The following PDE4D variants were observed in gnomAD, a reference collection of about 807,000 sequenced individuals.
The protein encoded by PDE4D is 3',5'-cyclic-AMP phosphodiesterase 4D.
A neutral mutation model predicts 87.4 loss-of-function variants in PDE4D; 24 were observed. The ratio of observed to expected loss-of-function variants is 0.27; its 90% CI spans 0.20 to 0.39. The LOEUF (loss-of-function observed/expected upper bound fraction) is 0.39, where lower values mean the gene tolerates loss of function less well. Among genes scored for constraint, PDE4D ranks in the 10% least tolerant of loss-of-function variants. PDE4D has a pLI of 1.00. For missense variants in PDE4D, 714 were observed against 1,041.0 expected, an observed-to-expected ratio of 0.69 and a Z score of 4.32; for synonymous variants, 384 against 383.2, an observed-to-expected ratio of 1.00 and a Z score of -0.02.
In PDE4D at chr5:59,988,819, T is replaced by C. The variant is rs567456692; in HGVS notation, c.43-102A>G. 330 of 593,674 alleles carry C rather than the reference T, an allele frequency of 5.6e-4. 4 individuals carry two copies. In the Middle Eastern group the frequency reaches 0.011, roughly 20 times the overall value. 36.8% of individuals were successfully genotyped at this position (593,674 alleles called of 1,614,324 possible). A position where few individuals can be genotyped will look rare whatever the true frequency, so the allele number is the denominator to read the frequency against. On this transcript the variant is annotated intron_variant, in intron 2 of 16. Coordinates refer to the PDE4D transcript ENST00000502484. The stretch of plus-strand genomic sequence containing the variant: ...TTCCTGGGAAAGAAATTAAGTAAAA[T>C]GTATACATGAAAAATGCTATCTAGA...
intron 1 of PDE4D, among the ~76,000 whole-genome samples, chr5:59,545,103 C>T (rs1007568851): frequency 1.3e-5 from 2 of 152,044 alleles, no homozygotes; most frequent in African/African-American, 4.8e-5. Context: ...ATAACTATGC[C>T]CTAGTTTTAC....
chr5:59,153,752 G>GTTTTTTT (rs34209888), intron 5 of PDE4D, among the ~76,000 whole-genome samples: 1 of 148,980 alleles, frequency 6.7e-6, no homozygotes, highest in Admixed American at 6.7e-5. Context: ...GGTGGGCAGG[G>GTTTTTTT]TTTTTTTTTT....
Position 59,378,980 on chromosome 5 carries a change from TTGTGTG to T in PDE4D, c.456-163018_456-163013del, listed in dbSNP as rs3061658. Among the ~76,000 whole-genome samples, 183 of 149,516 alleles carry T rather than the reference TTGTGTG, an allele frequency of 1.2e-3. 1 individual carries two copies. The highest frequency in any genetic ancestry group is 3.8e-3 in the African/African-American group (154 of 40,528). On this transcript the variant is annotated intron_variant, in intron 1 of 14. Coordinates refer to ENST00000340635, the MANE Select transcript of PDE4D (RefSeq NM_001104631.2). ...AGTGTGTGTGTCCACGTGTGTGTGT[TTGTGTG>T]TGTGTGTGTGTGTGTGTGATGTGTC...
At chr5:59,383,699 A>G (rs244595) in intron 1 of PDE4D, among the ~76,000 whole-genome samples, 57,224 of 151,788 alleles carry the variant, frequency 0.38, 12,146 homozygotes, top group African/African-American at 0.58. Flanking sequence ...GGACTCAATA[A>G]TACACATATG....
chr5:59,830,197 T>A (rs1740969476), intron 1 of PDE4D, among the ~76,000 whole-genome samples: 1 of 152,004 alleles, frequency 6.6e-6, no homozygotes. Context: ...TCACCTGTAA[T>A]TGGACAACAA....
At position 59,893,370 on chromosome 5, in the gene PDE4D, G is replaced by C. The variant is rs1023936942; in HGVS notation, c.253C>G (p.Pro85Ala). Residue 85 changes from proline (P) to alanine (A), a missense_variant, in exon 1 of 15, where the codon CCG (proline) becomes GCG (alanine). By Grantham distance (27) the Pro-to-Ala change is conservative. Transcript: ENST00000340635. Reference sequence around the variant, plus strand: ...CCGCGGGCAGCCCCGGGCGGCGGCGGGGGCGGCGGCAGGGGGGGCGGCGGC... The same window carrying C: ...CCGCGGGCAGCCCCGGGCGGCGGCGCGGGCGGCGGCAGGGGGGGCGGCGGC... ...PPPPPPLPPP[P>A]PPPGAARGRY... The C allele has an allele frequency of 8.8e-6, 11 of 1,248,262 alleles. No individual in the cohort carries two copies. The highest frequency in any genetic ancestry group is 1.1e-5 in the Non-Finnish European group (11 of 997,494). 77.3% of individuals were successfully genotyped at this position (1,248,262 alleles called of 1,614,324 possible). A position where few individuals can be genotyped will look rare whatever the true frequency, so the allele number is the denominator to read the frequency against.
chr5:59,122,768 C>G (rs1047325422), intron 5 of PDE4D, among the ~76,000 whole-genome samples: 1 of 152,172 alleles, frequency 6.6e-6, no homozygotes, highest in African/African-American at 2.4e-5. Flanking sequence ...TGTTGTGCAA[C>G]CACCACCTCT....
At chr5:59,795,659 A>G in intron 1 of PDE4D, among the ~76,000 whole-genome samples, 1 of 152,172 alleles carries the variant, frequency 6.6e-6, no homozygotes, top group Admixed American at 6.5e-5. Context: ...GCCTCGGACC[A>G]CACTGTCGGC....
At chr5:60,459,737 A>T in intron 1 of PDE4D, 1 of 370,330 alleles carries the variant, frequency 2.7e-6, no homozygotes, top group Non-Finnish European at 5.2e-6. Flanking sequence ...GAGCAAAGAG[A>T]CCTCAACAAC....
chr5:59,483,728 C>T (rs77119815), intron 1 of PDE4D, among the ~76,000 whole-genome samples: 25 of 152,198 alleles, frequency 1.6e-4, no homozygotes, highest in African/African-American at 6.0e-4. Context: ...GACAGCACAA[C>T]CTGCTAAGGC....
chr5:60,160,893 AT>A (rs1298815476), intron 2 of PDE4D: 12 of 404,742 alleles, frequency 3.0e-5, no homozygotes, highest in Non-Finnish European at 3.9e-5. Context: ...TTTCCATGTC[AT>A]TTTTTTAATT....
intron 1 of PDE4D, among the ~76,000 whole-genome samples, chr5:59,813,445 T>TACACACACAC (rs35313403): frequency 7.0e-6 from 1 of 143,066 alleles, no homozygotes; most frequent in Admixed American, 7.4e-5. Context: ...CATACACTTG[T>TACACACACAC]ACACACACAC....
chr5:59,900,370 T>C (rs1752132754), intron 3 of PDE4D, among the ~76,000 whole-genome samples: 1 of 152,018 alleles, frequency 6.6e-6, no homozygotes, highest in South Asian at 2.1e-4. Context: ...GCTAAGTTAT[T>C]TTGTATATAG....
At chr5:60,463,497 A>G (rs182439604) in intron 1 of PDE4D, among the ~76,000 whole-genome samples, 1 of 152,264 alleles carries the variant, frequency 6.6e-6, no homozygotes, top group East Asian at 1.9e-4. Flanking sequence ...TCTCTAACAT[A>G]CAGATTCCCA....
intron 1 of PDE4D, among the ~76,000 whole-genome samples, chr5:59,346,824 A>G (rs1188031103): frequency 3.9e-5 from 6 of 152,196 alleles, no homozygotes; most frequent in Non-Finnish European, 8.8e-5. Flanking sequence ...AACTGAGGAA[A>G]GTTAGGAGGG....
intron 1 of PDE4D, among the ~76,000 whole-genome samples, chr5:59,258,803 GATAT>G (rs1467822195): frequency 6.7e-6 from 1 of 149,904 alleles, no homozygotes; most frequent in Non-Finnish European, 1.5e-5. Context: ...TAGAATATAA[GATAT>G]ATATATTTTA....
chr5:60,357,819 G>C (rs1369056052), intron 1 of PDE4D, among the ~76,000 whole-genome samples: 2 of 152,134 alleles, frequency 1.3e-5, no homozygotes, highest in Non-Finnish European at 2.9e-5. Context: ...ATAATAATAT[G>C]TTTTTATTCA....
chr5:59,768,023 C>T (rs1174243932), intron 1 of PDE4D, among the ~76,000 whole-genome samples: 1 of 152,132 alleles, frequency 6.6e-6, no homozygotes, highest in African/African-American at 2.4e-5. Flanking sequence ...AGGAATTGAA[C>T]TTTGAGAACC....
At chr5:59,235,140 C>T (rs937292395) in intron 1 of PDE4D, among the ~76,000 whole-genome samples, 5 of 151,766 alleles carry the variant, frequency 3.3e-5, no homozygotes, top group Non-Finnish European at 5.9e-5. Context: ...GTTTCCATAC[C>T]ACATATGCCA....
Sources: allele counts gnomAD v4.1 joint callset (sites outside exome capture counted in the v4.1 genomes callset), GRCh38; gene constraint gnomAD v4.1.1; transcripts MANE v1.5; gene names NCBI Gene and HGNC (gene_info 2026-07-23, HGNC 2026-07-21).